CTSZ: variants seen among roughly 807,000 people sequenced by gnomAD.
The protein encoded by CTSZ is cathepsin Z.
In CTSZ, 39 loss-of-function variants were observed where a neutral mutation model predicts 32.4. That is an observed-to-expected ratio of 1.20 (90% CI 0.93 to 1.57). CTSZ has a LOEUF of 1.57. Among genes scored for constraint, CTSZ ranks in the 40% most tolerant of loss-of-function variants. CTSZ has a pLI of 0.00. For missense variants in CTSZ, 397 were observed against 419.6 expected, an observed-to-expected ratio of 0.95 and a Z score of 0.47; for synonymous variants, 168 against 170.1, an observed-to-expected ratio of 0.99 and a Z score of 0.10.
rs1302182410 is a variant in CTSZ, at chr20:58,998,289, C to G, written c.488-536G>C. Among the ~76,000 whole-genome samples the G allele has an allele frequency of 2.0e-5, 3 of 152,210 alleles. No homozygotes were observed. The East Asian group carries it at 5.8e-4, about 29-fold the overall frequency. On this transcript the variant is annotated intron_variant, in intron 3 of 5. Transcript: ENST00000217131. ...TAAAGAGGGCCAGGCGCCTGTAATCCCAGCTCTTTGGGAGGCCGAGGTGGG... is the reference window on the plus strand; with the variant it reads ...TAAAGAGGGCCAGGCGCCTGTAATCGCAGCTCTTTGGGAGGCCGAGGTGGG...
rs763828680 is a variant in CTSZ at position 59,002,716 on chromosome 20, C to T, written c.308-1072G>A. On this transcript the variant is annotated intron_variant, in intron 2 of 5. Transcript: ENST00000217131. This position sits in a 1 kb window ranked among gnomAD's most constrained non-coding sequence, Gnocchi z 4.1. Reference sequence around the variant, plus strand: ...GTCCCAAAGCAGACCTCCATCCTGCCGCCACCCAGCCTGCCCATGCTCTGC... The same window carrying T: ...GTCCCAAAGCAGACCTCCATCCTGCTGCCACCCAGCCTGCCCATGCTCTGC... Among the ~76,000 whole-genome samples, 18 of 152,136 alleles carry T rather than the reference C, an allele frequency of 1.2e-4. No individual in the cohort carries two copies. The highest frequency in any genetic ancestry group is 5.8e-4 in the East Asian group (3 of 5,178).
intron 3 of CTSZ, among the ~76,000 whole-genome samples, chr20:58,998,052 A>T (rs1297968008): frequency 6.6e-6 from 1 of 152,178 alleles, no homozygotes; most frequent in Non-Finnish European, 1.5e-5. Context: ...ACCTTTCCAC[A>T]ATACTTTCTA....
At position 59,006,332 on chromosome 20, in the gene CTSZ, G is replaced by A. The variant is rs1331627712; in HGVS notation, c.297C>T (p.Ser99=). ...CGSCWAHAST[S]AMADRINIKR... ...AGGGCGGCCACTCACCCGCCATAGC[G>A]CTGGTGCTGGCGTGGGCCCAGCAGG... is the stretch of plus-strand genomic sequence containing the variant. The change falls in exon 2 of 6, where the codon AGC becomes AGT. Residue 99 remains serine, a synonymous_variant. Coordinates refer to ENST00000217131, the MANE Select transcript of CTSZ (RefSeq NM_001336.4). 3 of 1,609,964 alleles carry A rather than the reference G, an allele frequency of 1.9e-6. No homozygotes were observed. Among genetic ancestry groups the A allele is most frequent in the Non-Finnish European group, 2.5e-6 (3 of 1,178,386 alleles).
chr20:59,005,775 G>A (rs1455877706), intron 2 of CTSZ, among the ~76,000 whole-genome samples: 2 of 152,176 alleles, frequency 1.3e-5, no homozygotes, highest in African/African-American at 2.4e-5. Context: ...AAAGCAGGGT[G>A]CAGCAGCCTC....
chr20:59,004,476 G>A lies in CTSZ; in HGVS notation c.307+1846C>T, dbSNP rs144066141. 1.6e-3 allele frequency among the ~76,000 whole-genome samples: 251 copies of A among 152,254 alleles called. 1 individual carries two copies. Among genetic ancestry groups the A allele is most frequent in the Non-Finnish European group, 2.0e-3 (139 of 68,004 alleles). On this transcript the variant is annotated intron_variant, in intron 2 of 5. Coordinates refer to ENST00000217131, the MANE Select transcript of CTSZ (RefSeq NM_001336.4). This position sits in a 1 kb window ranked among gnomAD's most constrained non-coding sequence, Gnocchi z 5.6. ...GAACAGTGCCGGTGGAGTGGCAGAG[G>A]TGGGACTGAGGCTGGAGTGGGTTCA...
rs974020500 is a variant in CTSZ at position 59,001,482 on chromosome 20, T to C, written c.470A>G (p.Tyr157Cys). Reference sequence around the variant, plus strand: ...CAGCCTACCCTGGTCCTTGGCCTGGTAGTTGTTGCAGGTCTCGTCAGGGAT... The same window carrying C: ...CAGCCTACCCTGGTCCTTGGCCTGGCAGTTGTTGCAGGTCTCGTCAGGGAT... ...HGIPDETCNNYQAKDQECDKF... is the reference protein window; with the variant it reads ...HGIPDETCNNCQAKDQECDKF... Residue 157 changes from tyrosine (Y) to cysteine (C), a missense_variant, in exon 3 of 6, where the codon TAC (tyrosine) becomes TGC (cysteine). By Grantham distance (194) the Tyr-to-Cys change is radical. Coordinates refer to ENST00000217131, the MANE Select transcript of CTSZ (RefSeq NM_001336.4). 19 of 1,612,556 alleles carry C rather than the reference T, an allele frequency of 1.2e-5. No homozygotes were observed. Among genetic ancestry groups the C allele is most frequent in the Non-Finnish European group, 1.5e-5 (18 of 1,178,920 alleles).
chr20:59,006,760 A>G (rs2091910185), intron 1 of CTSZ, among the ~76,000 whole-genome samples: 1 of 152,134 alleles, frequency 6.6e-6, no homozygotes, highest in South Asian at 2.1e-4. Flanking sequence ...GAGGCCGAGG[A>G]GGTGGGGCTG....
chr20:58,996,856 A>T (rs1361695669), intron 4 of CTSZ, 55 bp from the exon 5 acceptor site: 7 of 1,586,604 alleles, frequency 4.4e-6, no homozygotes, highest in Non-Finnish European at 6.0e-6. Flanking sequence ...ATTTACCGTC[A>T]TTAGAAATAA....
chr20:58,999,184 T>C (rs926849674), intron 3 of CTSZ, among the ~76,000 whole-genome samples: 2 of 152,066 alleles, frequency 1.3e-5, no homozygotes, highest in Non-Finnish European at 2.9e-5. Context: ...TACAGGCGCA[T>C]GCCACCGCGC....
chr20:59,001,357 C>T (rs2146363796), intron 3 of CTSZ, 108 bp downstream of exon 3: 1 of 1,305,366 alleles, frequency 7.7e-7, no homozygotes, highest in Non-Finnish European at 1.0e-6. Context: ...CCCCAGCCAC[C>T]AGCCAATGTG....
intron 2 of CTSZ, among the ~76,000 whole-genome samples, chr20:59,003,275 G>A (rs529346889): frequency 4.6e-5 from 7 of 152,312 alleles, no homozygotes; most frequent in African/African-American, 1.7e-4. Flanking sequence ...GAGCAGTTTC[G>A]GTTCTGGCCT....
At position 59,006,383 on chromosome 20, in the gene CTSZ, GT is replaced by G; in HGVS notation, c.245del (p.Asn82ThrfsTer121). On this transcript the variant is annotated frameshift_variant, in exon 2 of 6. Coordinates refer to ENST00000217131, the MANE Select transcript of CTSZ (RefSeq NM_001336.4). LOFTEE classifies it high-confidence loss of function. ...DGVNYASITR[N>X]QHIPQYCGSC... ...AGCCGCAGTATTGGGGGATGTGCTGGTTCCGGGTGATGCTGGCATAGTTGAC... is the reference window on the plus strand; with the variant it reads ...AGCCGCAGTATTGGGGGATGTGCTGGTCCGGGTGATGCTGGCATAGTTGAC... 1 of 1,613,998 alleles carries G rather than the reference GT, an allele frequency of 6.2e-7. No homozygotes were observed. The highest frequency in any genetic ancestry group is 8.5e-7 in the Non-Finnish European group (1 of 1,180,036).
chr20:58,999,664 G>T (rs2091879613), intron 3 of CTSZ, among the ~76,000 whole-genome samples: 1 of 152,220 alleles, frequency 6.6e-6, no homozygotes, highest in African/African-American at 2.4e-5. Flanking sequence ...CAGGGCGCTG[G>T]GGCCAGCCTA....
intron 2 of CTSZ, 88 bp from the exon 3 acceptor site, chr20:59,001,732 G>C: frequency 2.9e-6 from 4 of 1,385,378 alleles, no homozygotes; most frequent in Non-Finnish European, 4.0e-6. Flanking sequence ...CGGGATGCAG[G>C]CGCTGCCCAG....
chr20:59,000,828 A>AT (rs575057726), intron 3 of CTSZ, among the ~76,000 whole-genome samples: 3,211 of 133,244 alleles, frequency 0.024, 45 homozygotes, highest in Non-Finnish European at 0.029. Flanking sequence ...CAGGGCCGGT[A>AT]TTTTTTTTTT....
chr20:59,001,781 CCTT>C (rs1230375057), intron 2 of CTSZ, 137 bp from the exon 3 acceptor site: 6 of 824,220 alleles, frequency 7.3e-6, no homozygotes, highest in Admixed American at 2.5e-5. Flanking sequence ...GCCTGTGTCT[CCTT>C]CTCCCTGCTG....
rs756036366 is a variant in CTSZ, at chr20:58,996,578, C to T, written c.801+61G>A. On this transcript the variant is annotated intron_variant, in intron 5 of 5. Transcript: ENST00000217131. ...CTAAACGTAAACAGAACCATTCAAG[C>T]GAGAGGAGTACCAGGACGTTTTTTT... is the stretch of plus-strand genomic sequence containing the variant. 1.2e-4 allele frequency: 180 copies of T among 1,550,844 alleles called. 3 individuals are homozygous for T. In the South Asian group the frequency reaches 1.5e-3, roughly 13 times the overall value.
Position 59,001,474 on chromosome 20 carries a change from TG to T in CTSZ, c.477del (p.Lys160ArgfsTer43). The T allele has an allele frequency of 6.2e-7, 1 of 1,611,720 alleles. No homozygotes were observed. The highest frequency in any genetic ancestry group is 8.5e-7 in the Non-Finnish European group (1 of 1,178,284). On this transcript the variant is annotated frameshift_variant, in exon 3 of 6. Transcript: ENST00000217131. LOFTEE classifies it high-confidence loss of function. The stretch of plus-strand genomic sequence containing the variant: ...ACGGGCAGCAGCCTACCCTGGTCCT[TG>T]GCCTGGTAGTTGTTGCAGGTCTCGT... ...IPDETCNNYQAKDQECDKFNQ... is the reference protein window; with the variant it reads ...IPDETCNNYQXKDQECDKFNQ...
intron 4 of CTSZ, chr20:58,997,332 A>G (rs1218495497): frequency 1.2e-5 from 4 of 322,672 alleles, no homozygotes; most frequent in Admixed American, 9.6e-5. Context: ...ATTCCGCACA[A>G]CCATCCATAG....
Sources: gnomAD v4.1 joint callset for allele counts (sites outside exome capture counted in the v4.1 genomes callset) on GRCh38, gnomAD v4.1.1 for gene constraint, Gnocchi (gnomAD v3.1) non-coding constraint, MANE v1.5 for transcripts, NCBI Gene and HGNC (gene_info 2026-07-23, HGNC 2026-07-21) for gene names.